Variants in YJU2B observed in about 807,000 individuals in gnomAD.
YJU2B encodes YJU2 splicing factor homolog B.
A neutral mutation model predicts 38.0 loss-of-function variants in YJU2B; 18 were observed. That is an observed-to-expected ratio of 0.47 (90% CI 0.33 to 0.70). YJU2B has a LOEUF of 0.70. Ranked by LOEUF, YJU2B falls within the 30% of genes least tolerant of loss-of-function variation. The pLI is 0.02. For missense variants in YJU2B, 538 were observed against 556.3 expected (o/e 0.97, Z 0.33); for synonymous variants, 246 against 225.4 (o/e 1.09, Z -0.82).
At chr19:13,746,426 G>A (rs2053815), upstream of YJU2B, among the ~76,000 whole-genome samples, 45,593 of 152,014 alleles carry the variant, frequency 0.3, 7,255 homozygotes, top group Middle Eastern at 0.52. Context: ...CAACCCTGTT[G>A]CAGACATAGA....
intron 2 of YJU2B, among the ~76,000 whole-genome samples, chr19:13,742,349 C>T (rs1017837177): frequency 7.2e-6 from 1 of 138,930 alleles, no homozygotes; most frequent in Non-Finnish European, 1.5e-5. Flanking sequence ...GTCGCCAGCG[C>T]TGGAGTGCAG....
intron 2 of YJU2B, among the ~76,000 whole-genome samples, chr19:13,737,036 A>AG (rs1555698720): frequency 6.6e-6 from 1 of 151,242 alleles, no homozygotes; most frequent in African/African-American, 2.4e-5. Flanking sequence ...CAAAAAAAAA[A>AG]AAAAAAGAAA....
chr19:13,736,797 C>T (rs1021121265), intron 2 of YJU2B, among the ~76,000 whole-genome samples: 1 of 151,622 alleles, frequency 6.6e-6, no homozygotes, highest in Non-Finnish European at 1.5e-5. Flanking sequence ...TTTGGGAAGC[C>T]GAGGCAGGTG....
chr19:13,762,877 G>A lies in YJU2B; in HGVS notation c.1000G>A (p.Gly334Arg), dbSNP rs761641167. 6.8e-6 allele frequency: 11 copies of A among 1,610,244 alleles called. No homozygotes were observed. Among genetic ancestry groups the A allele is most frequent in the Admixed American group, 6.7e-5 (4 of 59,666 alleles). ...EAAQDRPMSPGDCPPETTETP... is the reference protein window; with the variant it reads ...EAAQDRPMSPRDCPPETTETP... ...TGCCCAGGACCGGCCCATGTCCCCC[G>A]GAGACTGTCCTCCGGAAACAACTGA... The change falls in exon 10 of 10, where the codon GGA becomes AGA. Residue 334 changes from glycine to arginine, a missense_variant. Around this residue, in one of 2 missense-constraint regions of YJU2B, gnomAD observed 488 missense variants for 469.5 expected, o/e 1.04. Transcript: ENST00000221554.
rs779408960 is a variant in YJU2B at position 13,762,779 on chromosome 19, G to C, written c.902G>C (p.Arg301Pro). 2.5e-6 allele frequency: 4 copies of C among 1,602,720 alleles called. No homozygotes were observed. In the African/African-American group the frequency reaches 5.4e-5, roughly 21 times the overall value. The change falls in exon 10 of 10, where the codon CGG (arginine) becomes CCG (proline). Residue 301 changes from arginine to proline, a missense_variant. Arg to Pro is a moderately radical substitution (Grantham distance 103, BLOSUM62 -2). Transcript: ENST00000221554. ...CTGGGCATCGTGCGGCGGAGGTCTC[G>C]GGACGTCCCGGAGAGCCCCCAGCAT... is the stretch of plus-strand genomic sequence containing the variant. ...GDLGIVRRRS[R>P]DVPESPQHAA...
intron 2 of YJU2B, chr19:13,732,351 G>C (rs974001700): frequency 6.6e-6 from 1 of 152,046 alleles, no homozygotes; most frequent in Non-Finnish European, 1.5e-5. Context: ...TAAGGGTGGG[G>C]AGAAGGAATG....
intron 2 of YJU2B, among the ~76,000 whole-genome samples, chr19:13,753,374 C>T (rs1176471268): frequency 6.6e-6 from 1 of 152,056 alleles, no homozygotes; most frequent in Non-Finnish European, 1.5e-5. Context: ...GAGTTCAAGA[C>T]CAGCCTGGCC....
At chr19:13,754,493 T>C in intron 3 of YJU2B, 151 bp downstream of exon 3, 1 of 696,884 alleles carries the variant, frequency 1.4e-6, no homozygotes, top group South Asian at 1.6e-5. Flanking sequence ...GTCTTCACTT[T>C]TGGGTGATAA....
chr19:13,735,357 C>G (rs1972916447), intron 2 of YJU2B, among the ~76,000 whole-genome samples: 2 of 152,184 alleles, frequency 1.3e-5, no homozygotes, highest in South Asian at 4.1e-4. Flanking sequence ...TCTACCATTA[C>G]AAGCTCTGTG....
intron 2 of YJU2B, among the ~76,000 whole-genome samples, chr19:13,735,975 C>A (rs192467916): frequency 7.3e-5 from 11 of 150,694 alleles, no homozygotes; most frequent in Non-Finnish European, 1.5e-4. Context: ...TGGCATGAAC[C>A]TGGGAGGCAG....
At chr19:13,745,717 C>A (rs2419959), upstream of YJU2B, among the ~76,000 whole-genome samples, 47,325 of 106,364 alleles carry the variant, frequency 0.44, 10,109 homozygotes, top group Middle Eastern at 0.56. Flanking sequence ...ATCTATAGAT[C>A]TATAGATATC....
intron 5 of YJU2B, 21 bp from the exon 6 acceptor site, chr19:13,757,765 C>A (rs759816656): frequency 1.2e-6 from 2 of 1,613,150 alleles, no homozygotes; most frequent in African/African-American, 2.7e-5. Flanking sequence ...AAATTACCAC[C>A]CCCGCCTGAC....
chr19:13,732,392 C>T (rs1241426286), intron 2 of YJU2B: 1 of 151,886 alleles, frequency 6.6e-6, no homozygotes, highest in Non-Finnish European at 1.5e-5. Flanking sequence ...CAAAATGCCC[C>T]AAACGCCATC....
chr19:13,762,973 T>C lies in YJU2B; in HGVS notation c.1096T>C (p.Ser366Pro). ...GGACAAGCCCCTGTCGCCAGCAGGC[T>C]CCTCCCAGGAGGCAGCTGACACCCC... ...RQDKPLSPAG[S>P]SQEAADTPDT... Residue 366 changes from serine (S) to proline (P), a missense_variant, in exon 10 of 10, where the codon TCC (serine) becomes CCC (proline). Physicochemically the swap from Ser to Pro is moderately conservative, Grantham distance 74. This residue lies in a region of YJU2B where 488 missense variants were observed against 469.5 expected (regional missense o/e 1.04). Coordinates refer to ENST00000221554, the MANE Select transcript of YJU2B (RefSeq NM_030818.4). 6.2e-7 allele frequency: 1 copy of C among 1,611,284 alleles called. No homozygotes were observed. The highest frequency in any genetic ancestry group is 8.5e-7 in the Non-Finnish European group (1 of 1,179,304).
Position 13,732,854 on chromosome 19 carries a change from C to T in YJU2B, c.-202+569C>T, listed in dbSNP as rs1226868189. Among the ~76,000 whole-genome samples, 11 of 152,170 alleles carry T rather than the reference C, an allele frequency of 7.2e-5. No individual in the cohort carries two copies. The East Asian group carries it at 2.1e-3, about 29-fold the overall frequency. On this transcript the variant is annotated intron_variant, in intron 2 of 10. Coordinates refer to the YJU2B transcript ENST00000586600. The stretch of plus-strand genomic sequence containing the variant: ...AAACTCCTGACCTCAAGTGATCCAC[C>T]TGCCTCTTCCTCCCAAAGTGCTGGG...
Position 13,763,279 on chromosome 19 carries a change from C to CCTGT in YJU2B, c.*214_*217dup, listed in dbSNP as rs1973995446. The CCTGT allele has an allele frequency of 1.9e-6, 1 of 513,722 alleles. No individual in the cohort carries two copies. The highest frequency in any genetic ancestry group is 1.9e-5 in the African/African-American group (1 of 51,290). 31.8% of individuals were successfully genotyped at this position (513,722 alleles called of 1,614,324 possible). A position where few individuals can be genotyped will look rare whatever the true frequency, so the allele number is the denominator to read the frequency against. On this transcript the variant is annotated 3_prime_UTR_variant, in exon 10 of 10. Transcript: ENST00000221554. Reference sequence around the variant, plus strand: ...CTTGTGAGACTCCGTACATTAAAGACCTGTCTCTTCTTCCCTGTCTTGGGT... The same window carrying CCTGT: ...CTTGTGAGACTCCGTACATTAAAGACCTGTCTGTCTCTTCTTCCCTGTCTTGGGT...
intron 4 of YJU2B, among the ~76,000 whole-genome samples, chr19:13,756,804 GTC>G (rs998356104): frequency 6.6e-6 from 1 of 151,930 alleles, no homozygotes; most frequent in African/African-American, 2.4e-5. Context: ...GTGAAACCCT[GTC>G]TCTACTGAAA....
At chr19:13,734,985 C>G (rs187839129) in intron 2 of YJU2B, among the ~76,000 whole-genome samples, 13 of 152,294 alleles carry the variant, frequency 8.5e-5, no homozygotes, top group African/African-American at 2.9e-4. Flanking sequence ...TGATTGTAAT[C>G]AACAGTTCAA....
At chr19:13,740,004 T>G (rs116089835) in intron 2 of YJU2B, among the ~76,000 whole-genome samples, 241 of 152,250 alleles carry the variant, frequency 1.6e-3, no homozygotes, top group African/African-American at 5.6e-3. Context: ...GGTGTTTGGT[T>G]TCTGTATGTT....
Sources: allele counts gnomAD v4.1 joint callset (sites outside exome capture counted in the v4.1 genomes callset), GRCh38; gene constraint gnomAD v4.1.1; regional missense constraint gnomAD v4.1.1; transcripts MANE v1.5; gene names NCBI Gene and HGNC (gene_info 2026-07-23, HGNC 2026-07-21).